The following FBXL13 variants were observed in gnomAD, a reference collection of about 807,000 sequenced individuals.
FBXL13 encodes F-box and leucine-rich repeat protein 13.
In FBXL13, 67 loss-of-function variants were observed where a neutral mutation model predicts 83.6. That is an observed-to-expected ratio of 0.80 (90% CI 0.66 to 0.98). The LOEUF is 0.98. FBXL13 is among the 50% of genes least tolerant of loss of function. FBXL13 has a pLI of 0.00. For synonymous variants in FBXL13, 272 were observed against 299.5 expected, an observed-to-expected ratio of 0.91 and a Z score of 0.95; for missense variants, 822 against 866.5, an observed-to-expected ratio of 0.95 and a Z score of 0.64.
chr7:102,877,326 A>G, intron 16 of FBXL13, 141 bp downstream of exon 17: 1 of 708,156 alleles, frequency 1.4e-6, no homozygotes. Flanking sequence ...TCACCCTTCT[A>G]GAAACAATAT....
intron 6 of FBXL13, among the ~76,000 whole-genome samples, chr7:103,023,877 A>G (rs1285742401): frequency 6.6e-6 from 1 of 152,186 alleles, no homozygotes; most frequent in Non-Finnish European, 1.5e-5. Context: ...ACAGAGACAG[A>G]AAACCAAATA....
intron 17 of FBXL13, among the ~76,000 whole-genome samples, chr7:102,842,081 A>G (rs924082294): frequency 4.6e-5 from 7 of 152,350 alleles, no homozygotes; most frequent in Non-Finnish European, 4.4e-5. Context: ...AACCTGGAGT[A>G]TTGGATGAGA....
chr7:102,962,480 T>C (rs2129479284), intron 8 of FBXL13, among the ~76,000 whole-genome samples: 1 of 152,328 alleles, frequency 6.6e-6, no homozygotes, highest in Non-Finnish European at 1.5e-5. Flanking sequence ...ATCCCATTAC[T>C]GAGTATATAC....
chr7:102,958,529 TATAATAATAATAATAATA>T (rs144163542), intron 8 of FBXL13, among the ~76,000 whole-genome samples: 2 of 144,530 alleles, frequency 1.4e-5, no homozygotes, highest in African/African-American at 2.6e-5. Context: ...GAACTTAAAG[TATAATAATAATAATAATA>T]ATAATAATAA....
At chr7:103,016,457 A>G (rs1792332821) in intron 6 of FBXL13, among the ~76,000 whole-genome samples, 1 of 152,052 alleles carries the variant, frequency 6.6e-6, no homozygotes, top group Non-Finnish European at 1.5e-5. Flanking sequence ...CCGAGGTACC[A>G]GGTTCATCTC....
At chr7:103,039,080 A>T (rs1463068997) in intron 2 of FBXL13, among the ~76,000 whole-genome samples, 1 of 152,218 alleles carries the variant, frequency 6.6e-6, no homozygotes, top group African/African-American at 2.4e-5. Flanking sequence ...TTGAAAAAAG[A>T]TTAGATGAAT....
intron 16 of FBXL13, among the ~76,000 whole-genome samples, chr7:102,864,913 G>A (rs1432267590): frequency 3.3e-5 from 5 of 152,164 alleles, no homozygotes; most frequent in Non-Finnish European, 7.3e-5. Context: ...TAACTTGCCT[G>A]CGGTCTCAAA....
intron 6 of FBXL13, among the ~76,000 whole-genome samples, chr7:103,020,908 C>G (rs1322652652): frequency 6.6e-6 from 1 of 152,124 alleles, no homozygotes; most frequent in Non-Finnish European, 1.5e-5. Context: ...GCCATACTAC[C>G]CAAGGTAATT....
intron 17 of FBXL13, 123 bp downstream of exon 18, chr7:102,854,654 A>C (rs1805762772): frequency 1.8e-6 from 1 of 541,368 alleles, no homozygotes. Flanking sequence ...TAAAGGCAAA[A>C]GTGATTTATA....
chr7:102,875,809 T>C (rs1463578123), intron 16 of FBXL13, among the ~76,000 whole-genome samples: 4 of 152,070 alleles, frequency 2.6e-5, no homozygotes, highest in African/African-American at 9.7e-5. Flanking sequence ...TATGATGTTA[T>C]TGAAGCCCAG....
intron 9 of FBXL13, among the ~76,000 whole-genome samples, chr7:102,928,863 T>C (rs895811594): frequency 1.3e-5 from 2 of 152,244 alleles, no homozygotes; most frequent in Non-Finnish European, 2.9e-5. Context: ...ACGTTCACTT[T>C]GCTAGTGGAG....
chr7:103,004,947 C>T (rs1204310969), intron 6 of FBXL13, among the ~76,000 whole-genome samples: 1 of 152,190 alleles, frequency 6.6e-6, no homozygotes, highest in Non-Finnish European at 1.5e-5. Context: ...GATATATTCA[C>T]TTACTTGATA....
intron 4 of FBXL13, 40 bp from the exon 6 acceptor site, chr7:103,027,598 T>G (rs1794080123): frequency 7.6e-7 from 1 of 1,307,228 alleles, no homozygotes; most frequent in African/African-American, 1.5e-5. Context: ...TATTAATAGT[T>G]ATAGCTGTTT....
At chr7:102,855,898 TA>T (rs1273039300) in intron 16 of FBXL13, among the ~76,000 whole-genome samples, 2,201 of 138,798 alleles carry the variant, frequency 0.016, 25 homozygotes, top group African/African-American at 0.042. Flanking sequence ...GGCCTTCTCA[TA>T]AAAAAAAAAA....
At chr7:102,851,569 CTCTTTCTCTT>C (rs1311187428) in intron 17 of FBXL13, among the ~76,000 whole-genome samples, 1 of 146,906 alleles carries the variant, frequency 6.8e-6, no homozygotes, top group South Asian at 2.2e-4. Flanking sequence ...CTCTCTCTCT[CTCTTTCTCTT>C]TCTTTCTCTC....
chr7:103,022,020 C>A (rs1793240909), intron 6 of FBXL13, among the ~76,000 whole-genome samples: 1 of 152,152 alleles, frequency 6.6e-6, no homozygotes, highest in African/African-American at 2.4e-5. Context: ...GCTATAAAGA[C>A]ACATGCACAC....
At chr7:102,883,787 A>G in intron 12 of FBXL13, 102 bp from the exon 14 acceptor site, 1 of 676,522 alleles carries the variant, frequency 1.5e-6, no homozygotes, top group South Asian at 2.2e-5. Context: ...CAGACATGTT[A>G]ACTGTTAATT....
exon 18 of FBXL13, chr7:102,832,942 A>T (rs1800978407): frequency 1.2e-6 from 2 of 1,614,100 alleles, no homozygotes; most frequent in Non-Finnish European, 1.7e-6. Flanking sequence ...AGACATCCAA[A>T]TGTTCCAAGA....
At chr7:102,939,695 A>G in intron 8 of FBXL13, 1 of 990,942 alleles carries the variant, frequency 1.0e-6, no homozygotes. Flanking sequence ...GAACTAAATA[A>G]TAAAGTACAA....
Sources: allele counts gnomAD v4.1 joint callset (sites outside exome capture counted in the v4.1 genomes callset), GRCh38; gene constraint gnomAD v4.1.1; transcripts MANE v1.5; gene names NCBI Gene and HGNC (gene_info 2026-07-23, HGNC 2026-07-21).